LNX1: variants seen among roughly 807,000 people sequenced by gnomAD.
LNX1 encodes the protein ligand of numb-protein X 1, also known as E3 ubiquitin-protein ligase LNX.
In LNX1, 54 loss-of-function variants were observed where a neutral mutation model predicts 68.4. The ratio of observed to expected loss-of-function variants is 0.79; its 90% CI spans 0.63 to 0.99. The LOEUF is 0.99. LNX1 is among the 50% of genes least tolerant of loss of function. The pLI, the probability that LNX1 is intolerant of heterozygous loss-of-function variation, is 0.00. For synonymous variants in LNX1, 336 were observed against 350.0 expected (o/e 0.96, Z 0.45); for missense variants, 906 against 926.4 (o/e 0.98, Z 0.29).
At chr4:53,518,092 G>A (rs1726928420) in intron 2 of LNX1, among the ~76,000 whole-genome samples, 1 of 152,148 alleles carries the variant, frequency 6.6e-6, no homozygotes, top group South Asian at 2.1e-4. Flanking sequence ...AAAACAAGCT[G>A]GAAAGTCATG....
chr4:53,509,554 A>T (rs911434885), intron 2 of LNX1, among the ~76,000 whole-genome samples: 2 of 152,172 alleles, frequency 1.3e-5, no homozygotes, highest in African/African-American at 4.8e-5. Context: ...TAAACTTCCA[A>T]ATTTGCATAT....
chr4:53,552,571 G>A (rs1204217462), intron 2 of LNX1, among the ~76,000 whole-genome samples: 2 of 152,182 alleles, frequency 1.3e-5, no homozygotes, highest in South Asian at 2.1e-4. Flanking sequence ...GCTCACGCCT[G>A]TAATTCCAGC....
intron 1 of LNX1, among the ~76,000 whole-genome samples, chr4:53,625,841 C>T (rs1231559712): frequency 2.0e-5 from 1 of 48,930 alleles, no homozygotes; most frequent in Non-Finnish European, 4.8e-5. Context: ...AGCAATTCCA[C>T]CCCGTGTGTG....
At position 53,503,474 on chromosome 4, in the gene LNX1, T is replaced by C. The variant is rs185053066; in HGVS notation, c.775+3843A>G. 6.8e-4 allele frequency among the ~76,000 whole-genome samples: 104 copies of C among 152,340 alleles called. 1 individual carries two copies. The highest frequency in any genetic ancestry group is 1.2e-3 in the Non-Finnish European group (83 of 68,018). ...TTGCGTCTCCATCGAAGTACTTGGG[T>C]AACTAGGATGCATTATCAATGAGTA... On this transcript the variant is annotated intron_variant, in intron 4 of 10. Transcript: ENST00000263925.
At chr4:53,481,139 T>A (rs1352862900) in intron 7 of LNX1, among the ~76,000 whole-genome samples, 2 of 152,210 alleles carry the variant, frequency 1.3e-5, no homozygotes, top group Non-Finnish European at 2.9e-5. Flanking sequence ...ACTGGTGGCC[T>A]GAAGAATGAA....
At chr4:53,572,451 A>G (rs1731228712) in intron 2 of LNX1, among the ~76,000 whole-genome samples, 1 of 152,198 alleles carries the variant, frequency 6.6e-6, no homozygotes, top group Non-Finnish European at 1.5e-5. Context: ...CACCCAGGCC[A>G]TTGCTTTTGA....
intron 9 of LNX1, among the ~76,000 whole-genome samples, chr4:53,467,317 C>T (rs961329623): frequency 2.6e-5 from 4 of 152,070 alleles, no homozygotes; most frequent in Non-Finnish European, 5.9e-5. Context: ...ACAGAAAGGG[C>T]ATCGACACCA....
At chr4:53,499,410 C>T (rs541446649) in intron 4 of LNX1, among the ~76,000 whole-genome samples, 8 of 152,258 alleles carry the variant, frequency 5.3e-5, no homozygotes, top group Admixed American at 1.3e-4. Context: ...CCACCCACCT[C>T]GGCCTCCCAA....
intron 2 of LNX1, among the ~76,000 whole-genome samples, chr4:53,520,355 C>T (rs1327540498): frequency 6.6e-6 from 1 of 152,186 alleles, no homozygotes; most frequent in Non-Finnish European, 1.5e-5. Flanking sequence ...AATTCCAAAG[C>T]CACAACCAGA....
intron 9 of LNX1, among the ~76,000 whole-genome samples, chr4:53,473,909 A>G (rs967967119): frequency 3.9e-5 from 6 of 152,246 alleles, no homozygotes; most frequent in African/African-American, 1.4e-4. Flanking sequence ...ACAAATTTCT[A>G]GAGTCCCTGA....
intron 3 of LNX1, 35 bp downstream of exon 3, chr4:53,507,951 G>A (rs1726032752): frequency 6.3e-7 from 1 of 1,597,820 alleles, no homozygotes; most frequent in Non-Finnish European, 8.6e-7. Flanking sequence ...GCAAGCCAAG[G>A]AGCCCATTCC....
chr4:53,568,395 C>A (rs12648929), intron 2 of LNX1, among the ~76,000 whole-genome samples: 85,519 of 151,276 alleles, frequency 0.57, 24,672 homozygotes, highest in Non-Finnish European at 0.63. Flanking sequence ...AAGACAAAAA[C>A]CACATGATTA....
intron 6 of LNX1, among the ~76,000 whole-genome samples, chr4:53,482,948 G>A (rs1477641637): frequency 1.3e-5 from 2 of 152,148 alleles, no homozygotes; most frequent in East Asian, 1.9e-4. Flanking sequence ...TCTCTGCTAT[G>A]TACATTGATA....
chr4:53,551,830 T>C (rs1729537764), intron 2 of LNX1, among the ~76,000 whole-genome samples: 1 of 152,228 alleles, frequency 6.6e-6, no homozygotes. Flanking sequence ...CCCTGCCTTA[T>C]GACCCTTGGT....
At chr4:53,549,130 T>C (rs1729318682) in intron 2 of LNX1, among the ~76,000 whole-genome samples, 1 of 152,160 alleles carries the variant, frequency 6.6e-6, no homozygotes, top group Non-Finnish European at 1.5e-5. Flanking sequence ...TATTTACCTA[T>C]GTAACAAACC....
intron 6 of LNX1, among the ~76,000 whole-genome samples, chr4:53,490,154 C>T (rs1724581516): frequency 1.3e-5 from 2 of 152,116 alleles, no homozygotes; most frequent in South Asian, 4.1e-4. Context: ...AACAATTACA[C>T]ATATGCCGGT....
chr4:53,465,538 C>T (rs1352381336), intron 9 of LNX1, among the ~76,000 whole-genome samples: 1 of 152,330 alleles, frequency 6.6e-6, no homozygotes, highest in East Asian at 1.9e-4. Flanking sequence ...GCCAGTACTC[C>T]AGAAAGTTTT....
At chr4:53,616,993 G>A (rs965841465) in intron 1 of LNX1, among the ~76,000 whole-genome samples, 1 of 152,148 alleles carries the variant, frequency 6.6e-6, no homozygotes, top group African/African-American at 2.4e-5. Flanking sequence ...AATATCATTT[G>A]TACTTCTCAT....
At chr4:53,561,898 C>G (rs1210093638) in intron 2 of LNX1, among the ~76,000 whole-genome samples, 1 of 151,690 alleles carries the variant, frequency 6.6e-6, no homozygotes, top group African/African-American at 2.4e-5. Context: ...ATGTAACAAA[C>G]CTGAACGTTC....
Sources: allele counts gnomAD v4.1 joint callset (sites outside exome capture counted in the v4.1 genomes callset), GRCh38; gene constraint gnomAD v4.1.1; transcripts MANE v1.5; gene names NCBI Gene and HGNC (gene_info 2026-07-23, HGNC 2026-07-21).